The following NCKAP5 variants were observed in gnomAD, a reference collection of about 807,000 sequenced individuals.
NCKAP5 encodes nck-associated protein 5.
Under a neutral mutation model 167.0 loss-of-function variants are expected in NCKAP5, and 92 were observed. The ratio of observed to expected loss-of-function variants is 0.55; its 90% CI spans 0.47 to 0.66. The LOEUF (loss-of-function observed/expected upper bound fraction) is 0.66. Among genes scored for constraint, NCKAP5 ranks in the 30% least tolerant of loss-of-function variants. The pLI is 0.00. For synonymous variants in NCKAP5, 891 were observed against 877.4 expected (o/e 1.02, Z -0.27); for missense variants, 2,378 against 2,315.0 (o/e 1.03, Z -0.56).
At chr2:133,402,145 A>C (rs1688143028) in intron 3 of NCKAP5, among the ~76,000 whole-genome samples, 1 of 152,176 alleles carries the variant, frequency 6.6e-6, no homozygotes, top group African/African-American at 2.4e-5. Flanking sequence ...GGTGGAAAAG[A>C]GGGAAACTGA....
chr2:133,563,884 A>G (rs1688357732), intron 1 of NCKAP5, among the ~76,000 whole-genome samples: 2 of 152,188 alleles, frequency 1.3e-5, no homozygotes, highest in African/African-American at 4.8e-5. Context: ...CTGTAATCCC[A>G]GCACTTTGGG....
chr2:133,264,780 G>C (rs889149183), intron 4 of NCKAP5, among the ~76,000 whole-genome samples: 1 of 152,206 alleles, frequency 6.6e-6, no homozygotes, highest in Non-Finnish European at 1.5e-5. Context: ...AAGGAGTAGA[G>C]ACAGGTGCAG....
chr2:132,687,056 CA>C, intron 19 of NCKAP5, among the ~76,000 whole-genome samples: 1 of 151,726 alleles, frequency 6.6e-6, no homozygotes, highest in Middle Eastern at 3.4e-3. Context: ...AGTTTTATGA[CA>C]AAAAAAATCC....
Position 132,860,478 on chromosome 2 carries a change from A to G in NCKAP5, c.807+14T>C, listed in dbSNP as rs1022220904. 2 of 1,557,604 alleles carry G rather than the reference A, an allele frequency of 1.3e-6. No homozygotes were observed. Among genetic ancestry groups the G allele is most frequent in the African/African-American group, 1.4e-5 (1 of 73,630 alleles). On this transcript the variant is annotated intron_variant, in intron 11 of 19. Coordinates refer to ENST00000409261, the MANE Select transcript of NCKAP5 (RefSeq NM_207363.3). ...ATTTCAGTAGCAAAGATTGTTTTCC[A>G]GATAAACACATACCTGGAGGAGCAG...
chr2:133,049,544 CAAAAAAAAAA>C (rs59494014), intron 6 of NCKAP5, among the ~76,000 whole-genome samples: 1 of 78,298 alleles, frequency 1.3e-5, no homozygotes. Flanking sequence ...GACTCTGTCT[CAAAAAAAAAA>C]AAAAAAAAAA....
At chr2:133,530,269 A>C (rs930622399) in intron 2 of NCKAP5, among the ~76,000 whole-genome samples, 3 of 150,916 alleles carry the variant, frequency 2.0e-5, no homozygotes, top group African/African-American at 7.4e-5. Flanking sequence ...AAAAAAAAAA[A>C]TAAGCTAATC....
chr2:133,569,581 G>T (rs979586769), upstream of NCKAP5, among the ~76,000 whole-genome samples: 3 of 152,254 alleles, frequency 2.0e-5, no homozygotes, highest in East Asian at 5.8e-4. Context: ...TGTGGGAGGT[G>T]GGGGGTGAGC....
At chr2:133,474,146 A>ATCTG in intron 3 of NCKAP5, among the ~76,000 whole-genome samples, 1 of 147,040 alleles carries the variant, frequency 6.8e-6, no homozygotes, top group African/African-American at 2.7e-5. Context: ...CTATCTATCT[A>ATCTG]TCTATCTATA....
At chr2:133,392,940 C>T (rs115803104) in intron 3 of NCKAP5, among the ~76,000 whole-genome samples, 1,926 of 152,248 alleles carry the variant, frequency 0.013, 24 homozygotes, top group Middle Eastern at 0.027. Context: ...CCCCTAGCTT[C>T]CTATAATTTG....
At chr2:133,162,337 T>C (rs374012897) in intron 5 of NCKAP5, among the ~76,000 whole-genome samples, 66 of 152,366 alleles carry the variant, frequency 4.3e-4, no homozygotes, top group African/African-American at 1.5e-3. Flanking sequence ...TAACGATCTA[T>C]GTGGAAAAAC....
At position 132,781,203 on chromosome 2, in the gene NCKAP5, G is replaced by C; in HGVS notation, c.4898C>G (p.Thr1633Arg). The C allele has an allele frequency of 1.2e-6, 2 of 1,613,840 alleles. No homozygotes were observed. Among genetic ancestry groups the C allele is most frequent in the Non-Finnish European group, 1.7e-6 (2 of 1,179,820 alleles). The change falls in exon 15 of 20, where the codon ACA (threonine) becomes AGA (arginine). Residue 1633 changes from threonine (T) to arginine (R), a missense_variant. Physicochemically the swap from Thr to Arg is moderately conservative, Grantham distance 71. This residue lies in a region of NCKAP5 where 1,325 missense variants were observed against 1,274.5 expected (regional missense o/e 1.04). Transcript: ENST00000409261. ...GGAAGCATTACTTGATCCACTTTCTGTCTGTGGAGCTGCTTTCTTATCAAC... is the reference window on the plus strand; with the variant it reads ...GGAAGCATTACTTGATCCACTTTCTCTCTGTGGAGCTGCTTTCTTATCAAC... The part of the protein sequence containing the change: ...NRVDKKAAPQ[T>R]ESGSSNASCR...
At chr2:133,572,144 T>C (rs1575173562), upstream of NCKAP5, among the ~76,000 whole-genome samples, 1 of 152,210 alleles carries the variant, frequency 6.6e-6, no homozygotes. Flanking sequence ...TCAACTCAGG[T>C]CTGCCTGACC....
intron 4 of NCKAP5, among the ~76,000 whole-genome samples, chr2:133,237,264 A>G (rs1368774722): frequency 6.6e-6 from 1 of 152,200 alleles, no homozygotes; most frequent in Non-Finnish European, 1.5e-5. Flanking sequence ...GTACAAGTAT[A>G]ACAAAGTAAA....
intron 3 of NCKAP5, among the ~76,000 whole-genome samples, chr2:133,362,045 T>G (rs1448301974): frequency 6.6e-6 from 1 of 152,024 alleles, no homozygotes; most frequent in African/African-American, 2.4e-5. Flanking sequence ...GTCTAGAGTA[T>G]GCTGTGGCTT....
chr2:133,211,626 A>G (rs543180230), intron 5 of NCKAP5, among the ~76,000 whole-genome samples: 27 of 152,284 alleles, frequency 1.8e-4, no homozygotes, highest in Admixed American at 1.6e-3. Flanking sequence ...ACCAATCACT[A>G]GACTGTAAGC....
At chr2:133,427,477 ATAATT>A (rs1476803025) in intron 3 of NCKAP5, among the ~76,000 whole-genome samples, 1 of 151,862 alleles carries the variant, frequency 6.6e-6, no homozygotes, top group Non-Finnish European at 1.5e-5. Flanking sequence ...TAATTCCCAT[ATAATT>A]TAATTTGTCC....
chr2:133,513,545 T>C (rs1683681383), intron 3 of NCKAP5, among the ~76,000 whole-genome samples: 1 of 152,220 alleles, frequency 6.6e-6, no homozygotes, highest in Non-Finnish European at 1.5e-5. Flanking sequence ...CACATCCCCA[T>C]AGCTGGTTTT....
At chr2:133,585,735 G>C in the NCKAP5 span, among the ~76,000 whole-genome samples, 1 of 152,106 alleles carries the variant, frequency 6.6e-6, no homozygotes, top group African/African-American at 2.4e-5. Flanking sequence ...CATTATTCAT[G>C]CTCTTTTACA....
chr2:132,706,136 C>T (rs1688339933), intron 19 of NCKAP5, among the ~76,000 whole-genome samples: 1 of 151,922 alleles, frequency 6.6e-6, no homozygotes, highest in South Asian at 2.1e-4. Context: ...AATTTTTTTC[C>T]TGAATGAAAT....
Sources: allele counts gnomAD v4.1 joint callset (sites outside exome capture counted in the v4.1 genomes callset), GRCh38; gene constraint gnomAD v4.1.1; regional missense constraint gnomAD v4.1.1; transcripts MANE v1.5; gene names NCBI Gene and HGNC (gene_info 2026-07-23, HGNC 2026-07-21).